The following GAB1 variants were observed in gnomAD, a reference collection of about 807,000 sequenced individuals.
GAB1 encodes GRB2-associated-binding protein 1.
Under a neutral mutation model 66.5 loss-of-function variants are expected in GAB1, and 19 were observed. The observed-to-expected ratio is 0.29, with a 90% CI of 0.20 to 0.42. The LOEUF (loss-of-function observed/expected upper bound fraction) is 0.42. Among genes scored for constraint, GAB1 ranks in the 10% least tolerant of loss-of-function variants. The probability of loss-of-function intolerance (pLI) is 1.00; values close to 1 mark genes in which losing one functional copy is unlikely to be tolerated. For missense variants in GAB1, 732 were observed against 858.5 expected, an observed-to-expected ratio of 0.85 and a Z score of 1.84; for synonymous variants, 294 against 301.4, an observed-to-expected ratio of 0.98 and a Z score of 0.25.
intron 1 of GAB1, among the ~76,000 whole-genome samples, chr4:143,412,317 T>G (rs1732440819): frequency 6.6e-6 from 1 of 152,200 alleles, no homozygotes; most frequent in African/African-American, 2.4e-5. Context: ...TATGTTTATT[T>G]TATTATGTAT....
intron 1 of GAB1, among the ~76,000 whole-genome samples, chr4:143,353,650 T>C (rs1729318909): frequency 6.7e-6 from 1 of 149,106 alleles, no homozygotes; most frequent in Admixed American, 6.7e-5. Context: ...TTCAATTCAG[T>C]AACCTTGGAG....
At chr4:143,450,391 A>C (rs1734854854) in intron 6 of GAB1, among the ~76,000 whole-genome samples, 1 of 152,232 alleles carries the variant, frequency 6.6e-6, no homozygotes, top group African/African-American at 2.4e-5. Flanking sequence ...AAAAAAATTT[A>C]GGCTTTGTAA....
At chr4:143,340,336 A>G (rs958813104) in intron 1 of GAB1, among the ~76,000 whole-genome samples, 1 of 152,114 alleles carries the variant, frequency 6.6e-6, no homozygotes, top group African/African-American at 2.4e-5. Flanking sequence ...GCTTGATACT[A>G]TAATTATTAA....
chr4:143,473,649 C>T lies in GAB1; in HGVS notation c.*4460C>T, dbSNP rs550776830. ...CAAATAAATAAGGGCCTGCATGCAA[C>T]CTTTATCTTCAGAAACTAGGTTTTA... is the stretch of plus-strand genomic sequence containing the variant. On this transcript the variant is annotated 3_prime_UTR_variant, in exon 10 of 10. Transcript: ENST00000262994. The T allele has an allele frequency of 6.6e-6, 1 of 152,298 alleles. No homozygotes were observed. The highest frequency in any genetic ancestry group is 2.4e-5 in the African/African-American group (1 of 41,570). 9.4% of individuals were successfully genotyped at this position (152,298 alleles called of 1,614,324 possible). A position where few individuals can be genotyped will look rare whatever the true frequency, so the allele number is the denominator to read the frequency against.
intron 3 of GAB1, among the ~76,000 whole-genome samples, chr4:143,435,668 TG>T (rs1733905275): frequency 6.6e-6 from 1 of 152,226 alleles, no homozygotes; most frequent in Non-Finnish European, 1.5e-5. Flanking sequence ...CTAGGTGCTA[TG>T]AAGGTACAAA....
intron 8 of GAB1, among the ~76,000 whole-genome samples, chr4:143,463,296 T>C (rs563566516): frequency 2.0e-5 from 3 of 152,174 alleles, no homozygotes; most frequent in Admixed American, 2.0e-4. Flanking sequence ...CAAAAATATG[T>C]TAAATGATTT....
chr4:143,390,418 G>GC (rs1560735830), intron 1 of GAB1, among the ~76,000 whole-genome samples: 3 of 137,220 alleles, frequency 2.2e-5, no homozygotes, highest in African/African-American at 8.0e-5. Flanking sequence ...GGTTTTTTTT[G>GC]TTTTTTTTTT....
At chr4:143,416,544 A>T (rs1732702127) in intron 2 of GAB1, among the ~76,000 whole-genome samples, 2 of 152,172 alleles carry the variant, frequency 1.3e-5, no homozygotes, top group Admixed American at 1.3e-4. Flanking sequence ...ACTGAGGCAG[A>T]TGGGTCACTT....
chr4:143,420,436 C>T (rs1025143047), intron 2 of GAB1, among the ~76,000 whole-genome samples: 2 of 152,018 alleles, frequency 1.3e-5, no homozygotes, highest in African/African-American at 4.8e-5. Flanking sequence ...ATGTTATTTC[C>T]GCTGCCCCAG....
At chr4:143,438,935 CCGA>C (rs373544988) in intron 4 of GAB1, among the ~76,000 whole-genome samples, 2 of 152,294 alleles carry the variant, frequency 1.3e-5, no homozygotes, top group African/African-American at 4.8e-5. Flanking sequence ...CAAAGCCTCT[CCGA>C]GTCATACCCT....
At chr4:143,426,185 C>G (rs138429345) in intron 2 of GAB1, among the ~76,000 whole-genome samples, 11 of 152,222 alleles carry the variant, frequency 7.2e-5, no homozygotes, top group Admixed American at 5.9e-4. Context: ...TAGGAGTGCT[C>G]AGAGTTTTTG....
chr4:143,350,112 C>T (rs775713832), intron 1 of GAB1: 17 of 1,156,984 alleles, frequency 1.5e-5, no homozygotes, highest in African/African-American at 3.1e-5. Context: ...CGGCGTCATC[C>T]GCCATTTGGT....
rs762061638 is a variant in GAB1 at position 143,415,577 on chromosome 4, G to A, written c.173G>A (p.Arg58His). The change falls in exon 2 of 10, where the codon CGT (arginine) becomes CAT (histidine). Residue 58 changes from arginine to histidine, a missense_variant. Coordinates refer to ENST00000262994, the MANE Select transcript of GAB1 (RefSeq NM_002039.4). ...AATGATCATGCCAAGAAGCCTATTC[G>A]TATTATTGATTTAAATTTATGTCAA... is the stretch of plus-strand genomic sequence containing the variant. ...YKNDHAKKPI[R>H]IIDLNLCQQV... The A allele has an allele frequency of 5.6e-6, 9 of 1,613,268 alleles. No homozygotes were observed. Among genetic ancestry groups the A allele is most frequent in the Admixed American group, 3.3e-5 (2 of 59,994 alleles).
In GAB1 at chr4:143,473,470, CAACA is replaced by C. The variant is rs1460616296; in HGVS notation, c.*4284_*4287del. The C allele has an allele frequency of 4.6e-5, 7 of 152,210 alleles. No homozygotes were observed. The highest frequency in any genetic ancestry group is 1.7e-4 in the African/African-American group (7 of 41,544). The allele number at this position is 152,210 out of a possible 1,614,324, so 9.4% of individuals were successfully genotyped here. On this transcript the variant is annotated 3_prime_UTR_variant, in exon 10 of 10. Transcript: ENST00000262994. ...ACCTCTATATGTCACTCATTTTCTGCAACAAAGATCTCACTAAATCATGTTGAAA... is the reference window on the plus strand; with the variant it reads ...ACCTCTATATGTCACTCATTTTCTGCAAGATCTCACTAAATCATGTTGAAA...
chr4:143,366,938 C>A (rs2149661969), intron 1 of GAB1, among the ~76,000 whole-genome samples: 1 of 152,118 alleles, frequency 6.6e-6, no homozygotes, highest in African/African-American at 2.4e-5. Context: ...GCCATTCCTT[C>A]TTTAAGGACT....
At chr4:143,385,528 T>C (rs1422436159) in intron 1 of GAB1, among the ~76,000 whole-genome samples, 1 of 152,224 alleles carries the variant, frequency 6.6e-6, no homozygotes, top group Non-Finnish European at 1.5e-5. Flanking sequence ...GGTACTTCAA[T>C]AGAAAAATTC....
intron 1 of GAB1, among the ~76,000 whole-genome samples, chr4:143,363,114 ATCTGCTTCAAC>A (rs1729730860): frequency 6.6e-6 from 1 of 152,242 alleles, no homozygotes; most frequent in Non-Finnish European, 1.5e-5. Context: ...ACCCGCATGT[ATCTGCTTCAAC>A]ACCTCTCTTC....
At chr4:143,448,983 T>A (rs1240495859) in intron 6 of GAB1, among the ~76,000 whole-genome samples, 2 of 152,184 alleles carry the variant, frequency 1.3e-5, no homozygotes, top group African/African-American at 4.8e-5. Flanking sequence ...GATTCTGGTA[T>A]GCTGTGTCTT....
chr4:143,421,875 TAA>T (rs1250482835), intron 2 of GAB1, among the ~76,000 whole-genome samples: 1 of 152,022 alleles, frequency 6.6e-6, no homozygotes, highest in African/African-American at 2.4e-5. Flanking sequence ...AGGTTTAATT[TAA>T]AGTCTCCAAG....
Sources: gnomAD v4.1 joint callset for allele counts (sites outside exome capture counted in the v4.1 genomes callset) on GRCh38, gnomAD v4.1.1 for gene constraint, MANE v1.5 for transcripts, NCBI Gene and HGNC (gene_info 2026-07-23, HGNC 2026-07-21) for gene names.